The following RBMS3 variants were observed in gnomAD, a reference collection of about 807,000 sequenced individuals.
RBMS3 encodes RNA-binding motif, single-stranded-interacting protein 3.
In RBMS3, 27 loss-of-function variants were observed where a neutral mutation model predicts 66.8. The ratio of observed to expected loss-of-function variants is 0.40; its 90% CI spans 0.30 to 0.56. The LOEUF (loss-of-function observed/expected upper bound fraction) is 0.56. Ranked by LOEUF, RBMS3 falls within the 20% of genes least tolerant of loss-of-function variation. The pLI is 0.40. For missense variants in RBMS3, 513 were observed against 549.5 expected (o/e 0.93, Z 0.66); for synonymous variants, 188 against 183.0 (o/e 1.03, Z -0.22).
intron 1 of RBMS3, among the ~76,000 whole-genome samples, chr3:29,384,432 T>TAAGAAGAAGAAAGAAGAAGAAGAAGAAG (rs561847341): frequency 2.0e-5 from 2 of 99,364 alleles, no homozygotes; most frequent in African/African-American, 6.8e-5. Flanking sequence ...ATAATAATAA[T>TAAGAAGAAGAAAGAAGAAGAAGAAGAAG]AATAAGAAGA....
At chr3:29,943,395 A>G (rs952585917) in intron 11 of RBMS3, among the ~76,000 whole-genome samples, 1 of 151,834 alleles carries the variant, frequency 6.6e-6, no homozygotes. Flanking sequence ...GCCATATTCC[A>G]ATCTCCTTTT....
chr3:29,423,028 C>T (rs561409373), intron 1 of RBMS3, among the ~76,000 whole-genome samples: 28 of 152,258 alleles, frequency 1.8e-4, no homozygotes, highest in African/African-American at 6.5e-4. Context: ...TGCTGAATTG[C>T]CCTGGTAATT....
chr3:29,326,495 T>C (rs546575248), intron 1 of RBMS3, among the ~76,000 whole-genome samples: 2 of 152,214 alleles, frequency 1.3e-5, no homozygotes, highest in Non-Finnish European at 2.9e-5. Flanking sequence ...CTTGCTTATT[T>C]ATGTTTCCAT....
At chr3:29,585,393 C>T (rs965004963) in intron 3 of RBMS3, among the ~76,000 whole-genome samples, 12 of 152,094 alleles carry the variant, frequency 7.9e-5, no homozygotes, top group African/African-American at 1.2e-4. Context: ...TAGTTTACAA[C>T]GTAGGGATAT....
intron 12 of RBMS3, among the ~76,000 whole-genome samples, chr3:29,966,003 G>C (rs183877289): frequency 6.6e-6 from 1 of 152,152 alleles, no homozygotes; most frequent in East Asian, 1.9e-4. Context: ...CCACTTTTAT[G>C]TTTTTGTTTG....
At chr3:29,323,618 T>A (rs562061466) in intron 1 of RBMS3, among the ~76,000 whole-genome samples, 1 of 151,962 alleles carries the variant, frequency 6.6e-6, no homozygotes, top group East Asian at 1.9e-4. Flanking sequence ...GTGGTGCTCT[T>A]GACACCCCTC....
At chr3:29,858,897 T>C (rs2059144573) in intron 6 of RBMS3, among the ~76,000 whole-genome samples, 1 of 152,184 alleles carries the variant, frequency 6.6e-6, no homozygotes, top group African/African-American at 2.4e-5. Flanking sequence ...AAAAGGTGAT[T>C]TCCTCTATGT....
chr3:29,874,777 C>T (rs58463399), intron 7 of RBMS3, among the ~76,000 whole-genome samples: 7,824 of 152,170 alleles, frequency 0.051, 322 homozygotes, highest in African/African-American at 0.1. Context: ...CTCAATAATT[C>T]AGCATGAAAA....
chr3:29,996,585 A>G (rs1486089146), intron 14 of RBMS3, among the ~76,000 whole-genome samples: 51 of 150,314 alleles, frequency 3.4e-4, no homozygotes, highest in African/African-American at 1.1e-3. Flanking sequence ...ACCACAGTGC[A>G]ATCAAACTAG....
chr3:29,476,370 A>G (rs6549946), intron 2 of RBMS3, among the ~76,000 whole-genome samples: 97,840 of 152,054 alleles, frequency 0.64, 32,481 homozygotes, highest in African/African-American at 0.8. Context: ...CACCACCAGT[A>G]AGGTAGTTAT....
At chr3:29,424,638 A>T (rs148539899) in intron 1 of RBMS3, among the ~76,000 whole-genome samples, 95 of 152,326 alleles carry the variant, frequency 6.2e-4, no homozygotes, top group Middle Eastern at 3.4e-3. Flanking sequence ...AGAAAAGCAA[A>T]GTTCCCATTT....
chr3:29,395,044 GTA>G (rs2039483557), intron 1 of RBMS3, among the ~76,000 whole-genome samples: 1 of 152,102 alleles, frequency 6.6e-6, no homozygotes. Flanking sequence ...CAATCTCCCA[GTA>G]TTACTCTGTT....
At chr3:29,688,757 A>G (rs577777602) in intron 4 of RBMS3, among the ~76,000 whole-genome samples, 8 of 151,330 alleles carry the variant, frequency 5.3e-5, no homozygotes, top group African/African-American at 1.9e-4. Flanking sequence ...TGATTTTTGT[A>G]TTTTTAGTAT....
intron 5 of RBMS3, among the ~76,000 whole-genome samples, chr3:29,743,851 C>A (rs908292466): frequency 1.3e-5 from 2 of 149,100 alleles, no homozygotes; most frequent in East Asian, 2.0e-4. Context: ...CCCATTAACT[C>A]GTCATTTAGC....
chr3:30,000,857 G>T (rs1010936004), intron 14 of RBMS3, among the ~76,000 whole-genome samples: 7 of 151,904 alleles, frequency 4.6e-5, no homozygotes, highest in African/African-American at 1.7e-4. Context: ...GGACATCGGG[G>T]GTGGGCGCAT....
chr3:29,628,723 C>G (rs2049162370), intron 4 of RBMS3, among the ~76,000 whole-genome samples: 2 of 152,040 alleles, frequency 1.3e-5, no homozygotes, highest in Admixed American at 1.3e-4. Flanking sequence ...TGACAGCACA[C>G]TGTTTCATAA....
intron 6 of RBMS3, among the ~76,000 whole-genome samples, chr3:29,826,634 G>C (rs1322589605): frequency 6.6e-6 from 1 of 152,116 alleles, no homozygotes; most frequent in Non-Finnish European, 1.5e-5. Context: ...CACCAGGGCT[G>C]CATTCTTTTC....
intron 3 of RBMS3, among the ~76,000 whole-genome samples, chr3:29,542,789 C>T (rs1167635256): frequency 3.3e-5 from 5 of 152,152 alleles, no homozygotes; most frequent in Admixed American, 2.0e-4. Flanking sequence ...TTCTTCCTTT[C>T]TTTTATTTTA....
chr3:29,625,559 G>A (rs2049028988), intron 4 of RBMS3, among the ~76,000 whole-genome samples: 1 of 151,958 alleles, frequency 6.6e-6, no homozygotes, highest in Non-Finnish European at 1.5e-5. Flanking sequence ...TGGGCTGGGT[G>A]TGGTGGTGTG....
Sources: allele counts gnomAD v4.1 joint callset (sites outside exome capture counted in the v4.1 genomes callset), GRCh38; gene constraint gnomAD v4.1.1; transcripts MANE v1.5; gene names NCBI Gene and HGNC (gene_info 2026-07-23, HGNC 2026-07-21).